TAF5L: variants seen among roughly 807,000 people sequenced by gnomAD.
TAF5L encodes the protein TAF5-like RNA polymerase II p300/CBP-associated factor-associated factor 65 kDa subunit 5L.
Under a neutral mutation model 51.3 loss-of-function variants are expected in TAF5L, and 7 were observed. The ratio of observed to expected loss-of-function variants is 0.14; its 90% CI spans 0.08 to 0.26. TAF5L has a LOEUF of 0.26. Among genes scored for constraint, TAF5L ranks in the 10% least tolerant of loss-of-function variants. The probability of loss-of-function intolerance (pLI) is 1.00; values close to 1 mark genes in which losing one functional copy is unlikely to be tolerated. For synonymous variants in TAF5L, 291 were observed against 308.1 expected (o/e 0.94, Z 0.58); for missense variants, 575 against 758.9 (o/e 0.76, Z 2.85).
chr1:229,616,806 A>ATT lies in TAF5L; in HGVS notation c.-3-2323_-3-2322dup, dbSNP rs558207093. Among the ~76,000 whole-genome samples the ATT allele has an allele frequency of 1.3e-4, 20 of 152,324 alleles. No homozygotes were observed. In the East Asian group the frequency reaches 3.9e-3, roughly 29 times the overall value. On this transcript the variant is annotated intron_variant, in intron 1 of 4. Transcript: ENST00000258281. ...ACATGTAAATATAAAATGTTAGGAC[A>ATT]TTATATATATATTAAACTATATGCC...
At chr1:229,606,692 C>G in intron 3 of TAF5L, 1 of 985,390 alleles carries the variant, frequency 1.0e-6, no homozygotes, top group Non-Finnish European at 1.2e-6. Flanking sequence ...AGAATTAACA[C>G]TGGGTGTGTG....
chr1:229,618,928 T>G (rs1665104642), intron 1 of TAF5L, among the ~76,000 whole-genome samples: 1 of 152,050 alleles, frequency 6.6e-6, no homozygotes, highest in South Asian at 2.1e-4. Flanking sequence ...TGAGTAGGGG[T>G]GAGTTCAAGA....
chr1:229,606,187 C>T (rs962806582), intron 3 of TAF5L: 135 of 985,100 alleles, frequency 1.4e-4, no homozygotes, highest in Non-Finnish European at 1.5e-4. Context: ...CTGAAGAGAA[C>T]AGTATGCTGG....
rs1208170071 is a variant in TAF5L, at chr1:229,595,654, TGTG to T, written c.973-563_973-561del. 1.4e-3 allele frequency among the ~76,000 whole-genome samples: 213 copies of T among 152,286 alleles called. 1 individual carries two copies. Among genetic ancestry groups the T allele is most frequent in the Non-Finnish European group, 3.8e-4 (26 of 68,004 alleles). ...GGACACAGCGACACATGAAGGCAGATGTGGTATCACTTCAAGATTTTTTTTTTT... is the reference window on the plus strand; with the variant it reads ...GGACACAGCGACACATGAAGGCAGATGTATCACTTCAAGATTTTTTTTTTT... On this transcript the variant is annotated intron_variant, in intron 4 of 4. Coordinates refer to ENST00000258281, the Ensembl canonical transcript of TAF5L.
chr1:229,594,599 G>C lies in TAF5L; in HGVS notation c.1468C>G (p.Gln490Glu). ...GCCAAGTCCCACAGCTTCAACCGCT[G>C]GTCCTCGCCAGCAGACGCCAAGTAC... The change falls in exon 5 of 5, where the codon CAG (glutamine) becomes GAG (glutamate). Residue 490 changes from glutamine (Q) to glutamate (E), a missense_variant. Gln to Glu is a conservative substitution (Grantham distance 29, BLOSUM62 2). This residue lies in a region of TAF5L where 104 missense variants were observed against 218.3 expected (regional missense o/e 0.48). Coordinates refer to ENST00000258281, the Ensembl canonical transcript of TAF5L. The surrounding 1 kb of genome is among the most constrained non-coding windows in gnomAD (Gnocchi z 7.9). 1 of 1,614,156 alleles carries C rather than the reference G, an allele frequency of 6.2e-7. No homozygotes were observed. Among genetic ancestry groups the C allele is most frequent in the Non-Finnish European group, 8.5e-7 (1 of 1,180,028 alleles).
rs1033666590 is a variant in TAF5L, at chr1:229,625,232, A to G, written c.-4+653T>C. ...ACGCCTTATCGAATACATTTTCAAAAGCCTGGCAGCTTCGCGAGCTGGAGG... is the reference window on the plus strand; with the variant it reads ...ACGCCTTATCGAATACATTTTCAAAGGCCTGGCAGCTTCGCGAGCTGGAGG... On this transcript the variant is annotated intron_variant, in intron 1 of 4. Transcript: ENST00000258281. This position sits in a 1 kb window ranked among gnomAD's most constrained non-coding sequence, Gnocchi z 4.0. Among the ~76,000 whole-genome samples, 4 of 152,192 alleles carry G rather than the reference A, an allele frequency of 2.6e-5. No individual in the cohort carries two copies. Among genetic ancestry groups the G allele is most frequent in the Non-Finnish European group, 5.9e-5 (4 of 68,022 alleles).
chr1:229,617,957 C>G (rs1023573219), intron 1 of TAF5L, among the ~76,000 whole-genome samples: 1 of 152,204 alleles, frequency 6.6e-6, no homozygotes, highest in African/African-American at 2.4e-5. Flanking sequence ...CAATGACTCT[C>G]TTGCATAACC....
chr1:229,595,011 C>T (rs559281567), exon 5 of TAF5L: 21 of 1,614,138 alleles, frequency 1.3e-5, no homozygotes, highest in African/African-American at 8.0e-5. Context: ...CTGAGCTGTC[C>T]GCGAGGAACC....
chr1:229,603,017 C>A, intron 3 of TAF5L, 98 bp from the exon 4 acceptor site: 1 of 1,451,752 alleles, frequency 6.9e-7, no homozygotes, highest in Non-Finnish European at 9.0e-7. Flanking sequence ...TGCTTTCTTG[C>A]CAGGACCCCA....
intron 4 of TAF5L, chr1:229,601,332 A>T (rs1664365690): frequency 7.1e-6 from 7 of 985,438 alleles, no homozygotes; most frequent in Non-Finnish European, 8.4e-6. Context: ...AGAATTTTCC[A>T]TCCAAAGTAA....
In TAF5L at chr1:229,594,926, G is replaced by C; in HGVS notation, c.1141C>G (p.Gln381Glu). The C allele has an allele frequency of 6.2e-7, 1 of 1,614,196 alleles. No individual in the cohort carries two copies. Among genetic ancestry groups the C allele is most frequent in the Non-Finnish European group, 8.5e-7 (1 of 1,180,044 alleles). The stretch of plus-strand genomic sequence containing the variant: ...TCCCACACAGGATAGGCATGTCCTT[G>C]GTACAACACAGTGTTGGTGAAACTC... Residue 381 changes from glutamine to glutamate, a missense_variant, in exon 5 of 5, where the codon CAA (glutamine) becomes GAA (glutamate). Physicochemically the swap from Gln to Glu is conservative, Grantham distance 29. Coordinates refer to ENST00000258281, the Ensembl canonical transcript of TAF5L. This position sits in a 1 kb window ranked among gnomAD's most constrained non-coding sequence, Gnocchi z 7.9.
At chr1:229,617,882 C>T (rs1250322675) in intron 1 of TAF5L, among the ~76,000 whole-genome samples, 2 of 152,122 alleles carry the variant, frequency 1.3e-5, no homozygotes, top group Non-Finnish European at 2.9e-5. Flanking sequence ...ATGATAAGGG[C>T]GCTTCCCTGA....
At chr1:229,613,086 G>C (rs1664845318) in intron 2 of TAF5L, among the ~76,000 whole-genome samples, 1 of 151,936 alleles carries the variant, frequency 6.6e-6, no homozygotes, top group Non-Finnish European at 1.5e-5. Flanking sequence ...GGGAGGCCAA[G>C]GTGGGAGGAT....
chr1:229,614,175 A>G lies in TAF5L; in HGVS notation c.142+166T>C. 4 of 1,070,246 alleles carry G rather than the reference A, an allele frequency of 3.7e-6. No individual in the cohort carries two copies. The Admixed American group carries it at 5.9e-5, about 16-fold the overall frequency. The allele number at this position is 1,070,246 out of a possible 1,614,324, so 66.3% of individuals were successfully genotyped here. A position where few individuals can be genotyped will look rare whatever the true frequency, so the allele number is the denominator to read the frequency against. On this transcript the variant is annotated intron_variant, in intron 2 of 4. Coordinates refer to ENST00000258281, the Ensembl canonical transcript of TAF5L. ...GTGAGCACCGCTCTAAATGACAGACAGGGTCTCTGAGGCCAACATCATTCA... is the reference window on the plus strand; with the variant it reads ...GTGAGCACCGCTCTAAATGACAGACGGGGTCTCTGAGGCCAACATCATTCA...
rs1226308019 is a variant in TAF5L at position 229,601,188 on chromosome 1, G to C, written c.972+1007C>G. 1.1e-5 allele frequency: 11 copies of C among 985,208 alleles called. No individual in the cohort carries two copies. The East Asian group carries it at 4.5e-4, about 41-fold the overall frequency. The allele number at this position is 985,208 out of a possible 1,614,324, so 61.0% of individuals were successfully genotyped here. A position where few individuals can be genotyped will look rare whatever the true frequency, so the allele number is the denominator to read the frequency against. ...AAAAATTCAAAGGCCATCCTAACTG[G>C]AAGTGGACTCAGAAAACAGGAACAG... On this transcript the variant is annotated intron_variant, in intron 4 of 4. Coordinates refer to ENST00000258281, the Ensembl canonical transcript of TAF5L.
chr1:229,614,094 T>G, intron 2 of TAF5L: 1 of 655,426 alleles, frequency 1.5e-6, no homozygotes, highest in Non-Finnish European at 2.7e-6. Flanking sequence ...TGAGAAGTCC[T>G]GAGGAAGGAA....
chr1:229,604,650 C>G (rs1664514865), intron 3 of TAF5L, among the ~76,000 whole-genome samples: 1 of 152,110 alleles, frequency 6.6e-6, no homozygotes, highest in Admixed American at 6.6e-5. Flanking sequence ...CCATACAGGA[C>G]TATGAATGGC....
At position 229,603,234 on chromosome 1, in the gene TAF5L, T is replaced by G. The variant is rs537182079; in HGVS notation, c.248-315A>C. ...GTGGCTTGTACCCAGGTCTTCAAGA[T>G]TTAGTATTTTTTCCCAATATGTTAG... On this transcript the variant is annotated intron_variant, in intron 3 of 4. Transcript: ENST00000258281. Among the ~76,000 whole-genome samples, 3 of 152,316 alleles carry G rather than the reference T, an allele frequency of 2.0e-5. No homozygotes were observed. In the East Asian group the frequency reaches 5.8e-4, roughly 29 times the overall value.
At chr1:229,601,929 T>C (rs1227910998) in intron 4 of TAF5L, 2 of 1,231,140 alleles carry the variant, frequency 1.6e-6, no homozygotes, top group Non-Finnish European at 2.0e-6. Flanking sequence ...GGTCTTTCAT[T>C]AGGCTTAGTG....
Sources: gnomAD v4.1 joint callset for allele counts (sites outside exome capture counted in the v4.1 genomes callset) on GRCh38, gnomAD v4.1.1 for gene constraint, gnomAD v4.1.1 regional missense constraint, Gnocchi (gnomAD v3.1) non-coding constraint, MANE v1.5 for transcripts, NCBI Gene and HGNC (gene_info 2026-07-23, HGNC 2026-07-21) for gene names.